NELL1: variants seen among roughly 807,000 people sequenced by gnomAD.
NELL1 encodes the protein neural EGFL like 1, also known as protein kinase C-binding protein NELL1.
NELL1 carries 76 observed loss-of-function variants against 107.4 expected under a neutral mutation model. The observed-to-expected ratio is 0.71, with a 90% CI of 0.59 to 0.86. The LOEUF (loss-of-function observed/expected upper bound fraction) is 0.86, where lower values mean the gene tolerates loss of function less well. Among genes scored for constraint, NELL1 ranks in the 40% least tolerant of loss-of-function variants. The probability of loss-of-function intolerance (pLI) is 0.00; values close to 1 mark genes in which losing one functional copy is unlikely to be tolerated. For synonymous variants in NELL1, 353 were observed against 341.2 expected, an observed-to-expected ratio of 1.03 and a Z score of -0.38; for missense variants, 1,024 against 1,005.5, an observed-to-expected ratio of 1.02 and a Z score of -0.25.
In NELL1 at chr11:20,960,460, A is replaced by G. The variant is rs762947900; in HGVS notation, c.1200A>G (p.Lys400=). ...RGHNFCAEGP[K]CGENSECKNW... is the part of the protein sequence containing the mutation. Reference sequence around the variant, plus strand: ...ATAACTTTTGTGCAGAAGGACCTAAATGTGGTGAAAACTCAGAGTGCAAAA... The same window carrying G: ...ATAACTTTTGTGCAGAAGGACCTAAGTGTGGTGAAAACTCAGAGTGCAAAA... The change falls in exon 12 of 20, where the codon AAA becomes AAG. Residue 400 remains lysine, a synonymous_variant. Transcript: ENST00000357134. 6.2e-7 allele frequency: 1 copy of G among 1,613,972 alleles called. No homozygotes were observed. Among genetic ancestry groups the G allele is most frequent in the Non-Finnish European group, 8.5e-7 (1 of 1,179,870 alleles).
At chr11:21,226,152 T>G (rs1488403720) in intron 13 of NELL1, among the ~76,000 whole-genome samples, 1 of 152,170 alleles carries the variant, frequency 6.6e-6, no homozygotes, top group Non-Finnish European at 1.5e-5. Flanking sequence ...AAACACAGTT[T>G]TGAAGGTGCT....
intron 13 of NELL1, among the ~76,000 whole-genome samples, chr11:21,145,876 G>T (rs1489021129): frequency 6.6e-6 from 1 of 152,138 alleles, no homozygotes; most frequent in Non-Finnish European, 1.5e-5. Context: ...AACCTCAGGG[G>T]TCTACTTCTG....
At chr11:20,691,977 A>G (rs1349082146) in intron 2 of NELL1, among the ~76,000 whole-genome samples, 2 of 152,108 alleles carry the variant, frequency 1.3e-5, no homozygotes, top group Non-Finnish European at 2.9e-5. Flanking sequence ...TTATTGGTCT[A>G]TTCAGAGATT....
At chr11:21,422,815 A>G (rs1852718433) in intron 15 of NELL1, among the ~76,000 whole-genome samples, 1 of 152,172 alleles carries the variant, frequency 6.6e-6, no homozygotes, top group Non-Finnish European at 1.5e-5. Flanking sequence ...TAAGAGAATG[A>G]AAGAAATAAG....
At position 20,754,399 on chromosome 11, in the gene NELL1, T is replaced by A. The variant is rs11824333; in HGVS notation, c.185-29281T>A. 5.2e-3 allele frequency among the ~76,000 whole-genome samples: 796 copies of A among 152,328 alleles called. 7 individuals carry two copies. Among genetic ancestry groups the A allele is most frequent in the African/African-American group, 0.018 (766 of 41,566 alleles). On this transcript the variant is annotated intron_variant, in intron 2 of 19. Transcript: ENST00000357134. ...TGATGTTGACCTGAAGGATGAACCC[T>A]AGGGCCATGCTATGTGGTTTGTATA...
chr11:20,985,275 G>C (rs931670674), intron 12 of NELL1, among the ~76,000 whole-genome samples: 1 of 152,108 alleles, frequency 6.6e-6, no homozygotes, highest in Admixed American at 6.6e-5. Flanking sequence ...TGAAATCATG[G>C]CTAGCTAGAA....
chr11:20,873,868 A>T (rs1050308124), intron 4 of NELL1, among the ~76,000 whole-genome samples: 23 of 149,958 alleles, frequency 1.5e-4, no homozygotes, highest in African/African-American at 4.9e-4. Flanking sequence ...GGCTCAAGGG[A>T]TCTTCCTGTT....
rs1365529359 is a variant in NELL1 at position 21,575,660 on chromosome 11, A to G, written c.*638A>G. 1 of 151,902 alleles carries G rather than the reference A, an allele frequency of 6.6e-6. No individual in the cohort carries two copies. Among genetic ancestry groups the G allele is most frequent in the Non-Finnish European group, 1.5e-5 (1 of 67,882 alleles). 9.4% of individuals were successfully genotyped at this position (151,902 alleles called of 1,614,324 possible). On this transcript the variant is annotated 3_prime_UTR_variant, in exon 20 of 20. Coordinates refer to ENST00000357134, the MANE Select transcript of NELL1 (RefSeq NM_006157.5). ...AAACATAATCAAAGAATAATTTTAA[A>G]GAGAATTCTTGTCTCTCTTGCAAAA...
At chr11:21,315,952 A>G (rs1019289725) in intron 14 of NELL1, among the ~76,000 whole-genome samples, 2 of 151,838 alleles carry the variant, frequency 1.3e-5, no homozygotes, top group Non-Finnish European at 2.9e-5. Flanking sequence ...GTGTTTTAAA[A>G]GCTAAGATTT....
intron 12 of NELL1, among the ~76,000 whole-genome samples, chr11:20,965,840 A>G (rs1851377619): frequency 2.0e-5 from 3 of 152,150 alleles, no homozygotes; most frequent in Non-Finnish European, 1.5e-5. Flanking sequence ...CTAAGTGGGT[A>G]GATACTTACT....
chr11:20,945,315 G>A (rs1850939775), intron 10 of NELL1, among the ~76,000 whole-genome samples: 1 of 152,248 alleles, frequency 6.6e-6, no homozygotes, highest in Non-Finnish European at 1.5e-5. Flanking sequence ...TTTTACCCTA[G>A]AGATTGTCTC....
chr11:21,325,582 T>G (rs142534963), intron 14 of NELL1, among the ~76,000 whole-genome samples: 1 of 152,076 alleles, frequency 6.6e-6, no homozygotes, highest in Admixed American at 6.6e-5. Flanking sequence ...ATTTCTATAC[T>G]GGTCCTTTGC....
At chr11:20,762,189 C>T (rs896513039) in intron 2 of NELL1, among the ~76,000 whole-genome samples, 3 of 152,148 alleles carry the variant, frequency 2.0e-5, no homozygotes, top group Non-Finnish European at 4.4e-5. Flanking sequence ...GAAATGTGCT[C>T]ATTAAAAGAC....
intron 3 of NELL1, among the ~76,000 whole-genome samples, chr11:20,805,567 TG>T (rs1857365199): frequency 6.6e-6 from 1 of 152,238 alleles, no homozygotes; most frequent in Admixed American, 6.5e-5. Flanking sequence ...TTACCCAGGC[TG>T]GGGTGCAGTG....
At chr11:20,767,953 C>G (rs1004912709) in intron 2 of NELL1, among the ~76,000 whole-genome samples, 1 of 151,976 alleles carries the variant, frequency 6.6e-6, no homozygotes, top group Non-Finnish European at 1.5e-5. Context: ...AAGAGCTATA[C>G]TGGAGAGAGA....
intron 2 of NELL1, among the ~76,000 whole-genome samples, chr11:20,710,312 A>G (rs1792994): frequency 0.2 from 29,632 of 151,926 alleles, 3,187 homozygotes; most frequent in African/African-American, 0.25. Flanking sequence ...AGATGATCAT[A>G]TATTTGTTTC....
chr11:21,564,604 A>G (rs963515876), intron 17 of NELL1, among the ~76,000 whole-genome samples: 9 of 151,940 alleles, frequency 5.9e-5, no homozygotes, highest in African/African-American at 1.9e-4. Flanking sequence ...TAGTGTTTCT[A>G]TGATTTCTTG....
chr11:21,216,013 GA>G (rs1283637694), intron 13 of NELL1, among the ~76,000 whole-genome samples: 1 of 152,118 alleles, frequency 6.6e-6, no homozygotes, highest in African/African-American at 2.4e-5. Flanking sequence ...GCCTAGGAGG[GA>G]AAAATGGTTT....
At chr11:20,760,810 A>G (rs1297574208) in intron 2 of NELL1, among the ~76,000 whole-genome samples, 2 of 152,226 alleles carry the variant, frequency 1.3e-5, no homozygotes, top group Non-Finnish European at 2.9e-5. Context: ...AATCTGAAGT[A>G]TGGTGCCTAA....
Sources: allele counts gnomAD v4.1 joint callset (sites outside exome capture counted in the v4.1 genomes callset), GRCh38; gene constraint gnomAD v4.1.1; transcripts MANE v1.5; gene names NCBI Gene and HGNC (gene_info 2026-07-23, HGNC 2026-07-21).